ECE2: variants seen among roughly 807,000 people sequenced by gnomAD.
The protein encoded by ECE2 is endothelin converting enzyme 2, also known as endothelin-converting enzyme 2.
A neutral mutation model predicts 100.6 loss-of-function variants in ECE2; 81 were observed. The ratio of observed to expected loss-of-function variants is 0.81; its 90% CI spans 0.67 to 0.97. The LOEUF (loss-of-function observed/expected upper bound fraction) is 0.97, where lower values mean the gene tolerates loss of function less well. Among genes scored for constraint, ECE2 ranks in the 50% least tolerant of loss-of-function variants. The probability of loss-of-function intolerance (pLI) is 0.00; values close to 1 mark genes in which losing one functional copy is unlikely to be tolerated. For missense variants in ECE2, 911 were observed against 988.1 expected (o/e 0.92, Z 1.05); for synonymous variants, 391 against 391.5 (o/e 1.00, Z 0.02).
rs376239181 is a variant in ECE2, at chr3:184,289,557, G to A, written c.1473+22G>A. The stretch of plus-strand genomic sequence containing the variant: ...GAAAGTGAGCGGTGGCTAGGGTTGG[G>A]GCGCCATCTTGAGGTGGGGTTCAAG... On this transcript the variant is annotated intron_variant, in intron 12 of 18. Coordinates refer to ENST00000404464, the MANE Select transcript of ECE2 (RefSeq NM_001100121.2). The surrounding 1 kb of genome is among the most constrained non-coding windows in gnomAD (Gnocchi z 4.1). The A allele has an allele frequency of 1.4e-5, 22 of 1,613,700 alleles. No individual in the cohort carries two copies. The highest frequency in any genetic ancestry group is 1.8e-5 in the Non-Finnish European group (21 of 1,179,836).
At position 184,292,116 on chromosome 3, in the gene ECE2, C is replaced by A; in HGVS notation, c.2176C>A (p.Pro726Thr). 6.2e-7 allele frequency: 1 copy of A among 1,614,038 alleles called. No individual in the cohort carries two copies. The highest frequency in any genetic ancestry group is 1.1e-5 in the South Asian group (1 of 91,082). ...ESSHEGLVTD[P>T]HSPARFRVLG... ...CTCTCACGAGGGGCTGGTGACCGAC[C>A]CCCACAGCCCTGCCCGCTTCCGCGT... is the stretch of plus-strand genomic sequence containing the variant. The change falls in exon 19 of 19, where the codon CCC becomes ACC. Residue 726 changes from proline (P) to threonine (T), a missense_variant. Coordinates refer to ENST00000404464, the MANE Select transcript of ECE2 (RefSeq NM_001100121.2).
At chr3:184,277,579 T>A in intron 4 of ECE2, 113 bp downstream of exon 4, 2 of 1,192,548 alleles carry the variant, frequency 1.7e-6, no homozygotes, top group Non-Finnish European at 2.3e-6. Context: ...GATGGTTCTG[T>A]GAACACTCCA....
At position 184,291,186 on chromosome 3, in the gene ECE2, G is replaced by A. The variant is rs371978202; in HGVS notation, c.1981G>A (p.Gly661Arg). 31 of 1,613,702 alleles carry A rather than the reference G, an allele frequency of 1.9e-5. No individual in the cohort carries two copies. The highest frequency in any genetic ancestry group is 6.7e-5 in the East Asian group (3 of 44,896). Reference sequence around the variant, plus strand: ...GAGGCTCAACGGCCGCCAGACGCTGGGGGAGAACATTGCTGACAACGGGGG... The same window carrying A: ...GAGGCTCAACGGCCGCCAGACGCTGAGGGAGAACATTGCTGACAACGGGGG... ...GERLNGRQTL[G>R]ENIADNGGLK... Residue 661 changes from glycine (G) to arginine (R), a missense_variant, in exon 17 of 19, where the codon GGG becomes AGG. Transcript: ENST00000404464. This position sits in a 1 kb window ranked among gnomAD's most constrained non-coding sequence, Gnocchi z 4.1.
chr3:184,287,688 C>G (rs973465304), intron 10 of ECE2, 149 bp from the exon 11 acceptor site: 2 of 639,228 alleles, frequency 3.1e-6, no homozygotes, highest in South Asian at 1.9e-5. Flanking sequence ...GAGCAAGACC[C>G]TGTCTCAAAA....
Position 184,289,551 on chromosome 3 carries a change from G to T in ECE2, c.1473+16G>T. 1 of 1,613,792 alleles carries T rather than the reference G, an allele frequency of 6.2e-7. No homozygotes were observed. Among genetic ancestry groups the T allele is most frequent in the Non-Finnish European group, 8.5e-7 (1 of 1,179,852 alleles). ...CAAGGAGAAAGTGAGCGGTGGCTAG[G>T]GTTGGGGCGCCATCTTGAGGTGGGG... On this transcript the variant is annotated intron_variant, in intron 12 of 18. Coordinates refer to ENST00000404464, the MANE Select transcript of ECE2 (RefSeq NM_001100121.2). The surrounding 1 kb of genome is among the most constrained non-coding windows in gnomAD (Gnocchi z 4.1).
intron 9 of ECE2, 96 bp from the exon 10 acceptor site, chr3:184,285,382 C>A (rs990925117): frequency 2.9e-6 from 3 of 1,036,238 alleles, no homozygotes; most frequent in Non-Finnish European, 4.4e-6. Flanking sequence ...ATATGCCTCT[C>A]GGGACTCCTG....
Position 184,287,956 on chromosome 3 carries a change from A to G in ECE2, c.1374+9A>G. On this transcript the variant is annotated intron_variant, in intron 11 of 18. Coordinates refer to ENST00000404464, the MANE Select transcript of ECE2 (RefSeq NM_001100121.2). ...GGCAAAGCAAAGAAATTGTGAGTCT[A>G]CAAGATTCTTTCAACACTATGCCCT... 3 of 1,612,526 alleles carry G rather than the reference A, an allele frequency of 1.9e-6. No homozygotes were observed. Among genetic ancestry groups the G allele is most frequent in the Non-Finnish European group, 1.7e-6 (2 of 1,178,634 alleles).
At position 184,290,797 on chromosome 3, in the gene ECE2, C is replaced by G. The variant is rs775384008; in HGVS notation, c.1771C>G (p.Leu591Val). ...TTGCTATTCCTCACCCACCAGGGCCCTGAACTTCGGTGGCATCGGTGTGGT... is the reference window on the plus strand; with the variant it reads ...TTGCTATTCCTCACCCACCAGGGCCGTGAACTTCGGTGGCATCGGTGTGGT... ...PFYARNHPKA[L>V]NFGGIGVVMG... is the part of the protein sequence containing the mutation. Residue 591 changes from leucine (L) to valine (V), a missense_variant, in exon 16 of 19, where the codon CTG (leucine) becomes GTG (valine). By Grantham distance (32) the Leu-to-Val change is conservative (BLOSUM62 1). Coordinates refer to ENST00000404464, the MANE Select transcript of ECE2 (RefSeq NM_001100121.2). The G allele has an allele frequency of 3.0e-5, 49 of 1,614,038 alleles. 1 individual carries two copies. In the South Asian group the frequency reaches 5.4e-4, roughly 18 times the overall value.
chr3:184,292,361 C>G lies in ECE2; in HGVS notation c.*123C>G, dbSNP rs1163407668. The G allele has an allele frequency of 2.5e-5, 29 of 1,138,936 alleles. No individual in the cohort carries two copies. Among genetic ancestry groups the G allele is most frequent in the East Asian group, 7.6e-5 (3 of 39,646 alleles). The allele number at this position is 1,138,936 out of a possible 1,614,324, so 70.6% of individuals were successfully genotyped here. On this transcript the variant is annotated 3_prime_UTR_variant, in exon 19 of 19. Transcript: ENST00000404464. ...CTGGGCTGGGTCTAGTCCCTCCCCC[C>G]CACAGGTGACATGAGTACAGACCCT...
chr3:184,288,365 A>T (rs1042795398), intron 11 of ECE2, among the ~76,000 whole-genome samples: 12 of 151,452 alleles, frequency 7.9e-5, no homozygotes, highest in African/African-American at 2.9e-4. Context: ...ATGTAAATTG[A>T]TGAACAAATG....
Position 184,277,328 on chromosome 3 carries a change from G to T in ECE2, c.340G>T (p.Val114Leu). Reference sequence around the variant, plus strand: ...AATCCTGGAGTCCCTGGACCGAGGGGTGAGCCCCTGTGAGGACTTTTACCA... The same window carrying T: ...AATCCTGGAGTCCCTGGACCGAGGGTTGAGCCCCTGTGAGGACTTTTACCA... ...GKILESLDRG[V>L]SPCEDFYQFS... The change falls in exon 4 of 19, where the codon GTG becomes TTG. Residue 114 changes from valine to leucine, a missense_variant. Coordinates refer to ENST00000404464, the MANE Select transcript of ECE2 (RefSeq NM_001100121.2). The T allele has an allele frequency of 1.9e-6, 3 of 1,614,256 alleles. No homozygotes were observed. Among genetic ancestry groups the T allele is most frequent in the South Asian group, 1.1e-5 (1 of 91,090 alleles).
chr3:184,281,500 C>G (rs1293416276), intron 7 of ECE2, among the ~76,000 whole-genome samples: 1 of 152,222 alleles, frequency 6.6e-6, no homozygotes, highest in African/African-American at 2.4e-5. Flanking sequence ...GGGCCAAGGC[C>G]TTCTGGACAG....
In ECE2 at chr3:184,290,639, G is replaced by T. The variant is rs1404519402; in HGVS notation, c.1738G>T (p.Ala580Ser). ...CGTCTTCCCCGCTGGCATCCTGCAG[G>T]CCCCCTTCTATGCCCGCAACCACCC... is the stretch of plus-strand genomic sequence containing the variant. Reference protein sequence around the residue: ...EIVFPAGILQAPFYARNHPKA... With the variant: ...EIVFPAGILQSPFYARNHPKA... The change falls in exon 15 of 19, where the codon GCC becomes TCC. Residue 580 changes from alanine to serine, a missense_variant. Transcript: ENST00000404464. 2 of 1,614,160 alleles carry T rather than the reference G, an allele frequency of 1.2e-6. No individual in the cohort carries two copies. The highest frequency in any genetic ancestry group is 3.3e-5 in the Admixed American group (2 of 60,016).
chr3:184,289,806 A>G lies in ECE2; in HGVS notation c.1551+88A>G, dbSNP rs1006088612. 8 of 1,204,104 alleles carry G rather than the reference A, an allele frequency of 6.6e-6. No individual in the cohort carries two copies. Among genetic ancestry groups the G allele is most frequent in the Non-Finnish European group, 9.3e-6 (8 of 859,630 alleles). The allele number at this position is 1,204,104 out of a possible 1,614,324, so 74.6% of individuals were successfully genotyped here. On this transcript the variant is annotated intron_variant, in intron 13 of 18. Coordinates refer to ENST00000404464, the MANE Select transcript of ECE2 (RefSeq NM_001100121.2). The surrounding 1 kb of genome is among the most constrained non-coding windows in gnomAD (Gnocchi z 4.1). ...TAGAAATTGGGGCTCAAGCACTGGGAAAGAGGTGCTTGTCGGTTTCTTTTA... is the reference window on the plus strand; with the variant it reads ...TAGAAATTGGGGCTCAAGCACTGGGGAAGAGGTGCTTGTCGGTTTCTTTTA...
Position 184,291,846 on chromosome 3 carries a change from G to T in ECE2, c.2122-216G>T. The T allele has an allele frequency of 3.4e-6, 2 of 587,522 alleles. No homozygotes were observed. The highest frequency in any genetic ancestry group is 4.8e-5 in the South Asian group (2 of 41,954). The allele number at this position is 587,522 out of a possible 1,614,324, so 36.4% of individuals were successfully genotyped here. ...GTGGCAGAGCAAGGACCCAGGCAGA[G>T]CCTCCGCTGGGCAGCCACAGCAGGC... On this transcript the variant is annotated intron_variant, in intron 18 of 18. Transcript: ENST00000404464. This position sits in a 1 kb window ranked among gnomAD's most constrained non-coding sequence, Gnocchi z 4.1.
At position 184,289,730 on chromosome 3, in the gene ECE2, C is replaced by T. The variant is rs111476402; in HGVS notation, c.1551+12C>T. The T allele has an allele frequency of 0.019, 30,062 of 1,605,560 alleles. 346 individuals carry two copies. The highest frequency in any genetic ancestry group is 0.022 in the Non-Finnish European group (26,222 of 1,175,562). Reference sequence around the variant, plus strand: ...ATGTTTATGACGGGGTGAGTACCTACGCTCATCAGTACTGAACTTCAGCCC... The same window carrying T: ...ATGTTTATGACGGGGTGAGTACCTATGCTCATCAGTACTGAACTTCAGCCC... On this transcript the variant is annotated intron_variant, in intron 13 of 18. Coordinates refer to ENST00000404464, the MANE Select transcript of ECE2 (RefSeq NM_001100121.2). The surrounding 1 kb of genome is among the most constrained non-coding windows in gnomAD (Gnocchi z 4.1).
rs376509612 is a variant in ECE2, at chr3:184,292,043, T to C, written c.2122-19T>C. ...CCACACTAGACACCATATGCCCCCA[T>C]GTCTGTCCTGGCCCGCAGGTGTGGT... On this transcript the variant is annotated intron_variant, in intron 18 of 18. Transcript: ENST00000404464. 101 of 1,603,334 alleles carry C rather than the reference T, an allele frequency of 6.3e-5. 1 individual carries two copies. The Middle Eastern group carries it at 8.3e-4, about 13-fold the overall frequency.
chr3:184,283,998 C>A, intron 8 of ECE2, 25 bp downstream of exon 8: 1 of 1,611,594 alleles, frequency 6.2e-7, no homozygotes, highest in Non-Finnish European at 8.5e-7. Flanking sequence ...GGGCTGGAGA[C>A]AACTGAGAGG....
Position 184,285,457 on chromosome 3 carries a change from A to G in ECE2, c.1149-21A>G, listed in dbSNP as rs766248535. 3.1e-5 allele frequency: 50 copies of G among 1,591,680 alleles called. No homozygotes were observed. In the South Asian group the frequency reaches 5.5e-4, roughly 18 times the overall value. ...AGGGCATCCCACCTGCCCTTTTCTT[A>G]TTTTCTGGTCTGGTTGTCAGCATCC... On this transcript the variant is annotated intron_variant, in intron 9 of 18. Transcript: ENST00000404464.
Sources: gnomAD v4.1 joint callset for allele counts (sites outside exome capture counted in the v4.1 genomes callset) on GRCh38, gnomAD v4.1.1 for gene constraint, Gnocchi (gnomAD v3.1) non-coding constraint, MANE v1.5 for transcripts, NCBI Gene and HGNC (gene_info 2026-07-23, HGNC 2026-07-21) for gene names.